Variants in FOCAD observed in about 807,000 individuals in gnomAD.
The protein encoded by FOCAD is KIAA1797.
FOCAD carries 198 observed loss-of-function variants against 225.6 expected under a neutral mutation model. The ratio of observed to expected loss-of-function variants is 0.88; its 90% CI spans 0.78 to 0.99. The LOEUF (loss-of-function observed/expected upper bound fraction) is 0.99. FOCAD is among the 50% of genes least tolerant of loss of function. The pLI is 0.00. For missense variants in FOCAD, 2,713 were observed against 2,123.6 expected, an observed-to-expected ratio of 1.28 and a Z score of -5.46; for synonymous variants, 897 against 755.0, an observed-to-expected ratio of 1.19 and a Z score of -3.08.
intron 3 of FOCAD, among the ~76,000 whole-genome samples, chr9:20,719,314 C>A (rs1340162323): frequency 6.6e-6 from 1 of 152,150 alleles, no homozygotes; most frequent in African/African-American, 2.4e-5. Flanking sequence ...AACTTCTGAC[C>A]TCAGTTGATC....
intron 1 of FOCAD, among the ~76,000 whole-genome samples, chr9:20,712,585 C>T (rs988863938): frequency 2.0e-5 from 3 of 151,810 alleles, no homozygotes; most frequent in Non-Finnish European, 2.9e-5. Flanking sequence ...TTGCTTGAAC[C>T]TGGGAGGCGG....
At chr9:20,712,768 A>T (rs1245940192) in intron 1 of FOCAD, among the ~76,000 whole-genome samples, 2 of 119,588 alleles carry the variant, frequency 1.7e-5, no homozygotes. Flanking sequence ...AATCTCACTC[A>T]GTCACCCAGC....
intron 1 of FOCAD, chr9:20,684,655 T>A (rs1039797342): frequency 6.6e-6 from 1 of 152,398 alleles, no homozygotes; most frequent in Admixed American, 6.5e-5. Flanking sequence ...CATACTTAGC[T>A]GCAGCAGGTT....
chr9:20,842,178 C>T (rs1207230285), intron 15 of FOCAD, among the ~76,000 whole-genome samples: 1 of 151,304 alleles, frequency 6.6e-6, no homozygotes, highest in Admixed American at 6.6e-5. Flanking sequence ...TTTGGTCTAT[C>T]CATGAAAATG....
intron 1 of FOCAD, among the ~76,000 whole-genome samples, chr9:20,709,724 A>T (rs779474184): frequency 2.6e-5 from 4 of 152,216 alleles, no homozygotes; most frequent in African/African-American, 9.6e-5. Flanking sequence ...ATGTAAAGTC[A>T]TATTGCAGCT....
At chr9:20,978,502 A>G in intron 37 of FOCAD, 48 bp downstream of exon 37, 2 of 1,270,860 alleles carry the variant, frequency 1.6e-6, no homozygotes, top group Admixed American at 4.2e-5. Flanking sequence ...ATTGTTCTTT[A>G]GGAGGATATT....
At chr9:20,991,205 A>T (rs1587805015) in intron 42 of FOCAD, among the ~76,000 whole-genome samples, 1 of 152,218 alleles carries the variant, frequency 6.6e-6, no homozygotes, top group Admixed American at 6.5e-5. Flanking sequence ...CTGTTCTGCA[A>T]AGCATAACTG....
intron 21 of FOCAD, among the ~76,000 whole-genome samples, chr9:20,889,124 C>T (rs547476409): frequency 1.3e-5 from 2 of 152,170 alleles, no homozygotes; most frequent in Non-Finnish European, 2.9e-5. Flanking sequence ...CATTTGTAGT[C>T]ACTCTTCATT....
chr9:20,670,747 TAGAG>T (rs141348448), intron 2 of FOCAD, among the ~76,000 whole-genome samples: 3,829 of 152,178 alleles, frequency 0.025, 161 homozygotes, highest in African/African-American at 0.088. Flanking sequence ...ACCGGAAGCT[TAGAG>T]AGTTAATTTG....
chr9:20,754,757 G>T (rs1373369829), intron 5 of FOCAD, among the ~76,000 whole-genome samples: 2 of 152,110 alleles, frequency 1.3e-5, no homozygotes, highest in African/African-American at 4.8e-5. Context: ...CAGGGATGCT[G>T]CCAAGCATTC....
chr9:20,705,416 G>C (rs947574334), intron 1 of FOCAD, among the ~76,000 whole-genome samples: 2 of 152,106 alleles, frequency 1.3e-5, no homozygotes, highest in Non-Finnish European at 2.9e-5. Flanking sequence ...TTATTTTAGA[G>C]AGTGAGTATT....
At chr9:20,939,073 C>A (rs1451451765) in intron 28 of FOCAD, among the ~76,000 whole-genome samples, 1 of 141,060 alleles carries the variant, frequency 7.1e-6, no homozygotes. Flanking sequence ...TGGTGTGAAC[C>A]CGGGAGGCGG....
rs79072381 is a variant in FOCAD at position 20,901,461 on chromosome 9, T to A, written c.2626-5689T>A. Among the ~76,000 whole-genome samples, 101 of 151,972 alleles carry A rather than the reference T, an allele frequency of 6.6e-4. No homozygotes were observed. The East Asian group carries it at 0.019, about 29-fold the overall frequency. On this transcript the variant is annotated intron_variant, in intron 21 of 43. Transcript: ENST00000338382. ...CGACAATCAAAGAATGCCATCAAAG[T>A]TTGTTACCTGATTTATAGTATTTAA...
At chr9:20,945,366 A>G (rs1837072421) in intron 29 of FOCAD, among the ~76,000 whole-genome samples, 1 of 152,302 alleles carries the variant, frequency 6.6e-6, no homozygotes, top group Admixed American at 6.5e-5. Flanking sequence ...GTGAAGCTGG[A>G]CCGCTTGTAC....
At chr9:20,752,044 G>C (rs1828603336) in intron 5 of FOCAD, among the ~76,000 whole-genome samples, 1 of 142,804 alleles carries the variant, frequency 7.0e-6, no homozygotes, top group Non-Finnish European at 1.5e-5. Flanking sequence ...GTTCATTGTA[G>C]ATTCTGGATA....
chr9:20,890,954 T>A (rs561632989), intron 21 of FOCAD, among the ~76,000 whole-genome samples: 3 of 152,244 alleles, frequency 2.0e-5, no homozygotes, highest in Admixed American at 2.0e-4. Flanking sequence ...AAATTGAAGG[T>A]TCGTGGCAGC....
At chr9:20,932,164 T>C (rs1028357536) in intron 27 of FOCAD, among the ~76,000 whole-genome samples, 2 of 152,168 alleles carry the variant, frequency 1.3e-5, no homozygotes, top group African/African-American at 4.8e-5. Flanking sequence ...ATTAAGTCTG[T>C]GTGTGTGATA....
chr9:20,886,915 T>A (rs112391189), intron 21 of FOCAD, among the ~76,000 whole-genome samples: 2,525 of 152,246 alleles, frequency 0.017, 65 homozygotes, highest in African/African-American at 0.05. Flanking sequence ...CACTGTGAGG[T>A]AGGTGCTGTT....
At chr9:20,839,203 G>T (rs1018580908) in intron 15 of FOCAD, among the ~76,000 whole-genome samples, 1 of 150,286 alleles carries the variant, frequency 6.7e-6, no homozygotes, top group African/African-American at 2.4e-5. Context: ...GGTGTGGATT[G>T]TTATAAGGTT....
Sources: allele counts gnomAD v4.1 joint callset (sites outside exome capture counted in the v4.1 genomes callset), GRCh38; gene constraint gnomAD v4.1.1; transcripts MANE v1.5; gene names NCBI Gene and HGNC (gene_info 2026-07-23, HGNC 2026-07-21).